FGF12: variants seen among roughly 807,000 people sequenced by gnomAD.
FGF12 encodes the protein fibroblast growth factor 12, also known as fibroblast growth factor 12B.
A neutral mutation model predicts 23.6 loss-of-function variants in FGF12; 14 were observed. The ratio of observed to expected loss-of-function variants is 0.59; its 90% CI spans 0.39 to 0.93. The LOEUF (loss-of-function observed/expected upper bound fraction) is 0.93, where lower values mean the gene tolerates loss of function less well. Among genes scored for constraint, FGF12 ranks in the 40% least tolerant of loss-of-function variants. The pLI is 0.00. For missense variants in FGF12, 175 were observed against 217.8 expected, an observed-to-expected ratio of 0.80 and a Z score of 1.24; for synonymous variants, 62 against 77.3, an observed-to-expected ratio of 0.80 and a Z score of 1.04.
chr3:192,596,203 T>C (rs979145391), intron 2 of FGF12, among the ~76,000 whole-genome samples: 1 of 147,084 alleles, frequency 6.8e-6, no homozygotes, highest in South Asian at 2.1e-4. Flanking sequence ...ATGCCTACTC[T>C]ACTTGAGAAT....
chr3:192,543,535 G>A (rs28794913), intron 2 of FGF12, among the ~76,000 whole-genome samples: 30 of 152,086 alleles, frequency 2.0e-4, no homozygotes, highest in East Asian at 9.7e-4. Context: ...GCTAAGGAAC[G>A]AAGCTCCCTT....
At chr3:192,547,992 T>C (rs550675366) in intron 2 of FGF12, among the ~76,000 whole-genome samples, 18 of 152,230 alleles carry the variant, frequency 1.2e-4, no homozygotes, top group African/African-American at 4.1e-4. Context: ...AGAAATGAAG[T>C]CAAAAAATGA....
intron 4 of FGF12, among the ~76,000 whole-genome samples, chr3:192,329,897 C>T (rs570249264): frequency 1.9e-4 from 29 of 152,086 alleles, no homozygotes; most frequent in Non-Finnish European, 4.0e-4. Flanking sequence ...GTTTCAGAAA[C>T]ATAAGTTTCC....
intron 2 of FGF12, among the ~76,000 whole-genome samples, chr3:192,711,056 GTCACCTTTTTAGC>G (rs1718650688): frequency 6.6e-6 from 1 of 152,180 alleles, no homozygotes; most frequent in Non-Finnish European, 1.5e-5. Context: ...AGAGCTTCCA[GTCACCTTTTTAGC>G]CCCCTACACC....
At chr3:192,271,782 T>A (rs889689112) in intron 4 of FGF12, among the ~76,000 whole-genome samples, 1 of 151,998 alleles carries the variant, frequency 6.6e-6, no homozygotes, top group Non-Finnish European at 1.5e-5. Flanking sequence ...AATGCAGGAG[T>A]CTGAAAGACA....
At chr3:192,528,296 G>T (rs182032073) in intron 2 of FGF12, among the ~76,000 whole-genome samples, 1 of 152,296 alleles carries the variant, frequency 6.6e-6, no homozygotes, top group East Asian at 1.9e-4. Flanking sequence ...ATGTAAGTCC[G>T]AAATCCAGTG....
intron 2 of FGF12, among the ~76,000 whole-genome samples, chr3:192,490,577 A>G (rs1041809489): frequency 8.5e-5 from 13 of 152,136 alleles, no homozygotes; most frequent in African/African-American, 2.9e-4. Flanking sequence ...ATACATATAT[A>G]TATATTTACC....
At position 192,514,867 on chromosome 3, in the gene FGF12, CAGGTG is replaced by C; in HGVS notation, c.14-154334_14-154330del. The C allele has an allele frequency of 3.0e-6, 3 of 985,346 alleles. No individual in the cohort carries two copies. The highest frequency in any genetic ancestry group is 3.6e-6 in the Non-Finnish European group (3 of 829,902). The allele number at this position is 985,346 out of a possible 1,614,324, so 61.0% of individuals were successfully genotyped here. A position where few individuals can be genotyped will look rare whatever the true frequency, so the allele number is the denominator to read the frequency against. ...GGGTCCCGAGTCCATCGCGCGCGCC[CAGGTG>C]GAGGGGAGTTTGCACATGGAGCCGG... On this transcript the variant is annotated intron_variant, in intron 2 of 5. Transcript: ENST00000445105. The surrounding 1 kb of genome is among the most constrained non-coding windows in gnomAD (Gnocchi z 4.9).
chr3:192,552,919 CA>C (rs1272920235), intron 2 of FGF12, among the ~76,000 whole-genome samples: 2 of 148,414 alleles, frequency 1.3e-5, no homozygotes, highest in African/African-American at 2.5e-5. Context: ...AAACATAAAC[CA>C]AAAAAAAAGA....
intron 2 of FGF12, among the ~76,000 whole-genome samples, chr3:192,653,139 G>A (rs1716274531): frequency 6.6e-6 from 1 of 152,180 alleles, no homozygotes; most frequent in Non-Finnish European, 1.5e-5. Context: ...AAGCATGACA[G>A]TTACAGAAGA....
chr3:192,303,255 G>A (rs1475214890), intron 4 of FGF12, among the ~76,000 whole-genome samples: 1 of 152,164 alleles, frequency 6.6e-6, no homozygotes, highest in Non-Finnish European at 1.5e-5. Context: ...AAAAAGCAAT[G>A]AAATGCATCA....
At chr3:192,645,028 C>T (rs1379338498) in intron 2 of FGF12, among the ~76,000 whole-genome samples, 1 of 152,116 alleles carries the variant, frequency 6.6e-6, no homozygotes, top group East Asian at 1.9e-4. Flanking sequence ...TGGGAAAAGG[C>T]ACACAGTTTT....
chr3:192,588,665 A>G (rs752466235), intron 2 of FGF12, among the ~76,000 whole-genome samples: 45 of 151,872 alleles, frequency 3.0e-4, no homozygotes, highest in Non-Finnish European at 6.0e-4. Flanking sequence ...TATTATTCCT[A>G]CTTTATACAT....
chr3:192,148,960 C>T (rs1713884254), intron 5 of FGF12, among the ~76,000 whole-genome samples: 1 of 152,098 alleles, frequency 6.6e-6, no homozygotes, highest in Non-Finnish European at 1.5e-5. Context: ...ATAAACACTA[C>T]AGGACTGGGT....
At chr3:192,294,619 A>C (rs1714931792) in intron 4 of FGF12, among the ~76,000 whole-genome samples, 1 of 152,250 alleles carries the variant, frequency 6.6e-6, no homozygotes, top group Non-Finnish European at 1.5e-5. Flanking sequence ...AATAAAGTGC[A>C]TGAGATTGTA....
chr3:192,604,563 A>G (rs1031042010), intron 2 of FGF12, among the ~76,000 whole-genome samples: 1 of 152,208 alleles, frequency 6.6e-6, no homozygotes, highest in Non-Finnish European at 1.5e-5. Flanking sequence ...TAGAGGACAC[A>G]AACAAATGAA....
In FGF12 at chr3:192,711,058, C is replaced by A. The variant is rs1023753206; in HGVS notation, c.13+16123G>T. Among the ~76,000 whole-genome samples, 4 of 152,208 alleles carry A rather than the reference C, an allele frequency of 2.6e-5. No homozygotes were observed. The South Asian group carries it at 8.3e-4, about 31-fold the overall frequency. On this transcript the variant is annotated intron_variant, in intron 2 of 5. Coordinates refer to ENST00000445105, the MANE Select transcript of FGF12 (RefSeq NM_004113.6). ...CACCCATGAACACAGAGCTTCCAGT[C>A]ACCTTTTTAGCCCCCTACACCCACT...
chr3:192,596,826 C>G (rs1255060748), intron 2 of FGF12, among the ~76,000 whole-genome samples: 8 of 152,190 alleles, frequency 5.3e-5, no homozygotes, highest in African/African-American at 1.9e-4. Flanking sequence ...AAAAAATAGA[C>G]TCTATTCCAC....
intron 4 of FGF12, among the ~76,000 whole-genome samples, chr3:192,324,113 TTAAA>T (rs113138117): frequency 0.05 from 7,524 of 151,890 alleles, 541 homozygotes; most frequent in African/African-American, 0.16. Flanking sequence ...AATTAATTAA[TTAAA>T]TAAAATATCA....
Sources: gnomAD v4.1 joint callset for allele counts (sites outside exome capture counted in the v4.1 genomes callset) on GRCh38, gnomAD v4.1.1 for gene constraint, Gnocchi (gnomAD v3.1) non-coding constraint, MANE v1.5 for transcripts, NCBI Gene and HGNC (gene_info 2026-07-23, HGNC 2026-07-21) for gene names.